Variants in RAD21 observed in about 807,000 individuals in gnomAD.
RAD21 encodes double-strand-break repair protein rad21 homolog.
In RAD21, 18 loss-of-function variants were observed where a neutral mutation model predicts 71.5. The ratio of observed to expected loss-of-function variants is 0.25; its 90% CI spans 0.17 to 0.37. The LOEUF is 0.37. Among genes scored for constraint, RAD21 ranks in the 10% least tolerant of loss-of-function variants. RAD21 has a pLI of 1.00. For synonymous variants in RAD21, 248 were observed against 254.0 expected, an observed-to-expected ratio of 0.98 and a Z score of 0.22; for missense variants, 493 against 769.1, an observed-to-expected ratio of 0.64 and a Z score of 4.25.
rs113285290 is a variant in RAD21, at chr8:116,873,636, GT to G, written c.-33+974del. Among the ~76,000 whole-genome samples the G allele has an allele frequency of 8.9e-4, 133 of 149,812 alleles. 1 individual carries two copies. Among genetic ancestry groups the G allele is most frequent in the African/African-American group, 3.1e-3 (128 of 40,946 alleles). On this transcript the variant is annotated intron_variant, in intron 1 of 13. Transcript: ENST00000297338. ...CCCAGAAACTCTTCGCACAAACGCT[GT>G]TTTTTTTTTCACGCTGAAGACACTA... is the stretch of plus-strand genomic sequence containing the variant.
chr8:116,874,762 TCAAA>T lies in RAD21; in HGVS notation c.-188_-185del, dbSNP rs1812939419. 4 of 456,072 alleles carry T rather than the reference TCAAA, an allele frequency of 8.8e-6. No homozygotes were observed. The highest frequency in any genetic ancestry group is 1.5e-5 in the South Asian group (1 of 64,524). The allele number at this position is 456,072 out of a possible 1,614,324, so 28.3% of individuals were successfully genotyped here. On this transcript the variant is annotated 5_prime_UTR_variant, in exon 1 of 14. Coordinates refer to ENST00000297338, the MANE Select transcript of RAD21 (RefSeq NM_006265.3). ...AGCCGGCGCCTCCTTTCCGATTCAC[TCAAA>T]CAAACAAGATGGCTGCCGTTACGCC... is the stretch of plus-strand genomic sequence containing the variant.
chr8:116,847,300 A>G lies in RAD21; in HGVS notation c.*200T>C, dbSNP rs1341743464. 14 of 503,204 alleles carry G rather than the reference A, an allele frequency of 2.8e-5. No individual in the cohort carries two copies. The highest frequency in any genetic ancestry group is 4.5e-5 in the Non-Finnish European group (13 of 287,694). 31.2% of individuals were successfully genotyped at this position (503,204 alleles called of 1,614,324 possible). A position where few individuals can be genotyped will look rare whatever the true frequency, so the allele number is the denominator to read the frequency against. ...GGTGCTGTTTTCTCCATCAGAACAC[A>G]AACACAACCCATCTAATCAGTTTCC... On this transcript the variant is annotated 3_prime_UTR_variant, in exon 14 of 14. Coordinates refer to ENST00000297338, the MANE Select transcript of RAD21 (RefSeq NM_006265.3).
chr8:116,854,102 T>TTAAGGGAG, intron 9 of RAD21, 143 bp downstream of exon 9: 1 of 630,466 alleles, frequency 1.6e-6, no homozygotes, highest in East Asian at 2.7e-5. Context: ...TTATGCCCAG[T>TTAAGGGAG]ACACTGTGAT....
intron 5 of RAD21, among the ~76,000 whole-genome samples, chr8:116,857,878 T>C (rs1812503048): frequency 6.6e-6 from 1 of 152,180 alleles, no homozygotes; most frequent in Admixed American, 6.5e-5. Flanking sequence ...GAGGCTGAAG[T>C]GGGAGGATCA....
rs183009583 is a variant in RAD21, at chr8:116,863,483, T to C, written c.145-224A>G. On this transcript the variant is annotated intron_variant, in intron 2 of 13. Coordinates refer to ENST00000297338, the MANE Select transcript of RAD21 (RefSeq NM_006265.3). The stretch of plus-strand genomic sequence containing the variant: ...AGGAAGCAAGCACTAAACCATTCCA[T>C]GAATTGTGTCATTAGCACATTAAGG... 5.9e-5 allele frequency among the ~76,000 whole-genome samples: 9 copies of C among 152,236 alleles called. No homozygotes were observed. The East Asian group carries it at 1.7e-3, about 29-fold the overall frequency.
intron 3 of RAD21, 63 bp downstream of exon 3, chr8:116,863,067 C>G: frequency 6.5e-7 from 1 of 1,538,830 alleles, no homozygotes; most frequent in Non-Finnish European, 8.8e-7. Context: ...TACAGTAACA[C>G]AAAAAACATG....
intron 8 of RAD21, among the ~76,000 whole-genome samples, chr8:116,855,220 C>T (rs1295507573): frequency 6.6e-6 from 1 of 152,102 alleles, no homozygotes; most frequent in Admixed American, 6.6e-5. Context: ...TACTTAATTG[C>T]CCATTTCCCT....
chr8:116,868,595 T>C (rs1037503322), intron 1 of RAD21, among the ~76,000 whole-genome samples: 4 of 152,158 alleles, frequency 2.6e-5, no homozygotes, highest in African/African-American at 9.7e-5. Flanking sequence ...ATGAGTTTTT[T>C]TATATTTATA....
chr8:116,853,559 T>C (rs560310260), intron 9 of RAD21, among the ~76,000 whole-genome samples: 4 of 152,220 alleles, frequency 2.6e-5, no homozygotes, highest in Non-Finnish European at 5.9e-5. Context: ...ATGAAATTAC[T>C]GAGTCAAAGA....
chr8:116,849,023 C>T lies in RAD21; in HGVS notation c.1627G>A (p.Asp543Asn), dbSNP rs978197750. The stretch of plus-strand genomic sequence containing the variant: ...TGATCTTGATCGCCCCCTGATGCAT[C>T]TTCATCCTGAATAAAAATGACCCCC... Reference protein sequence around the residue: ...KEDDEEEEDEDASGGDQDQEE... With the variant: ...KEDDEEEEDENASGGDQDQEE... The change falls in exon 13 of 14, where the codon GAT becomes AAT. Residue 543 changes from aspartate (D) to asparagine (N), a missense_variant. Transcript: ENST00000297338. The T allele has an allele frequency of 1.9e-6, 3 of 1,580,310 alleles. No homozygotes were observed. Among genetic ancestry groups the T allele is most frequent in the Non-Finnish European group, 2.6e-6 (3 of 1,166,282 alleles).
chr8:116,847,746 G>C, intron 13 of RAD21, 55 bp from the exon 14 acceptor site: 1 of 1,448,564 alleles, frequency 6.9e-7, no homozygotes, highest in South Asian at 1.3e-5. Context: ...TAGTAATTCA[G>C]TGAGGATGCT....
At chr8:116,857,542 TA>T in intron 5 of RAD21, 69 bp from the exon 6 acceptor site, 1 of 1,237,384 alleles carries the variant, frequency 8.1e-7, no homozygotes, top group South Asian at 1.3e-5. Flanking sequence ...AGAAAACTGC[TA>T]ATGATTTATT....
intron 9 of RAD21, 115 bp from the exon 10 acceptor site, chr8:116,852,823 G>C: frequency 1.4e-6 from 1 of 726,870 alleles, no homozygotes; most frequent in Non-Finnish European, 1.9e-6. Flanking sequence ...GTATAATTTA[G>C]CATGGCTTTT....
intron 1 of RAD21, among the ~76,000 whole-genome samples, chr8:116,869,217 G>C (rs373276417): frequency 6.6e-6 from 1 of 152,192 alleles, no homozygotes; most frequent in East Asian, 1.9e-4. Flanking sequence ...CATCTGACTA[G>C]AACTCAGATA....
At chr8:116,854,997 GT>G (rs1812432560) in intron 8 of RAD21, among the ~76,000 whole-genome samples, 1 of 152,140 alleles carries the variant, frequency 6.6e-6, no homozygotes, top group Admixed American at 6.5e-5. Context: ...CATTTTAAGA[GT>G]CATTTCTAAT....
Position 116,857,328 on chromosome 8 carries a change from T to C in RAD21, c.627A>G (p.Leu209=), listed in dbSNP as rs545721211. 1.9e-6 allele frequency: 3 copies of C among 1,612,014 alleles called. No individual in the cohort carries two copies. The highest frequency in any genetic ancestry group is 2.7e-5 in the African/African-American group (2 of 74,978). Reference sequence around the variant, plus strand: ...CATCCTTATATTGATCTTCATATTCTAAATGGTTAATTTTCTCATTCAGAT... The same window carrying C: ...CATCCTTATATTGATCTTCATATTCCAAATGGTTAATTTTCTCATTCAGAT... ...TSNLNEKINH[L]EYEDQYKDDN... The change falls in exon 6 of 14, where the codon TTA becomes TTG. Residue 209 remains leucine, a synonymous_variant. Transcript: ENST00000297338.
intron 9 of RAD21, among the ~76,000 whole-genome samples, chr8:116,853,106 TCTCA>T (rs1366620141): frequency 1.6e-4 from 24 of 152,166 alleles, no homozygotes; most frequent in African/African-American, 5.8e-4. Context: ...TGAGATGGAG[TCTCA>T]CTCTGTCGCC....
rs775660049 is a variant in RAD21, at chr8:116,852,725, AAAG to A, written c.1162-20_1162-18del. On this transcript the variant is annotated intron_variant, in intron 9 of 13. Coordinates refer to ENST00000297338, the MANE Select transcript of RAD21 (RefSeq NM_006265.3). ...TGTAAAGAGCTATTAAAAAAAAAAA[AAAG>A]AAAAATTTCAATTATAAAATAAATC... 2 of 1,473,342 alleles carry A rather than the reference AAAG, an allele frequency of 1.4e-6. No individual in the cohort carries two copies. The highest frequency in any genetic ancestry group is 1.5e-5 in the African/African-American group (1 of 68,590). 91.3% of individuals were successfully genotyped at this position (1,473,342 alleles called of 1,614,324 possible).
chr8:116,866,254 G>GTTTT (rs56026154), intron 2 of RAD21, among the ~76,000 whole-genome samples: 6 of 142,758 alleles, frequency 4.2e-5, no homozygotes, highest in African/African-American at 7.7e-5. Flanking sequence ...TTCCACGTCG[G>GTTTT]TTTTTTTTTT....
Sources: allele counts gnomAD v4.1 joint callset (sites outside exome capture counted in the v4.1 genomes callset), GRCh38; gene constraint gnomAD v4.1.1; transcripts MANE v1.5; gene names NCBI Gene and HGNC (gene_info 2026-07-23, HGNC 2026-07-21).